The following CFAP61 variants were observed in gnomAD, a reference collection of about 807,000 sequenced individuals.
CFAP61 encodes the protein cilia and flagella associated protein 61, also known as cilia- and flagella-associated protein 61.
CFAP61 carries 107 observed loss-of-function variants against 135.6 expected under a neutral mutation model. The observed-to-expected ratio is 0.79, with a 90% CI of 0.67 to 0.93. The LOEUF is 0.93. Among genes scored for constraint, CFAP61 ranks in the 40% least tolerant of loss-of-function variants. CFAP61 has a pLI of 0.00. For missense variants in CFAP61, 1,507 were observed against 1,556.2 expected, an observed-to-expected ratio of 0.97 and a Z score of 0.53; for synonymous variants, 575 against 578.5, an observed-to-expected ratio of 0.99 and a Z score of 0.09.
chr20:20,186,293 G>A (rs1264795821), intron 13 of CFAP61, among the ~76,000 whole-genome samples: 1 of 152,150 alleles, frequency 6.6e-6, no homozygotes, highest in Non-Finnish European at 1.5e-5. Flanking sequence ...TTTGTATATG[G>A]TTTCTCTCAC....
At chr20:20,160,051 C>T (rs1204046493) in intron 10 of CFAP61, among the ~76,000 whole-genome samples, 1 of 152,196 alleles carries the variant, frequency 6.6e-6, no homozygotes, top group Non-Finnish European at 1.5e-5. Flanking sequence ...CTGCCAGAAG[C>T]CTGGTGGTTC....
intron 18 of CFAP61, among the ~76,000 whole-genome samples, chr20:20,232,012 G>T (rs1041194094): frequency 1.3e-5 from 2 of 152,168 alleles, no homozygotes; most frequent in East Asian, 3.8e-4. Context: ...TTCCTTCTCG[G>T]TGCTTCCATT....
At chr20:20,202,693 A>C (rs554046738) in intron 17 of CFAP61, among the ~76,000 whole-genome samples, 1 of 152,272 alleles carries the variant, frequency 6.6e-6, no homozygotes, top group East Asian at 1.9e-4. Flanking sequence ...CAAACTGTGC[A>C]AGGCTGAGCA....
chr20:20,138,559 G>A (rs1272479779), intron 8 of CFAP61, among the ~76,000 whole-genome samples: 2 of 152,056 alleles, frequency 1.3e-5, no homozygotes, highest in East Asian at 1.9e-4. Flanking sequence ...TCCACGCCAC[G>A]TGGCTACTGC....
At chr20:20,212,277 A>ACT (rs1301110848) in intron 17 of CFAP61, among the ~76,000 whole-genome samples, 2 of 151,144 alleles carry the variant, frequency 1.3e-5, no homozygotes, top group Non-Finnish European at 3.0e-5. Context: ...GCTTCTCATG[A>ACT]CTCTCTCTCT....
intron 17 of CFAP61, among the ~76,000 whole-genome samples, chr20:20,208,174 G>C (rs1321353812): frequency 6.6e-6 from 1 of 152,154 alleles, no homozygotes; most frequent in Admixed American, 6.5e-5. Context: ...TGAGCGTTAA[G>C]CCAGTAGGAC....
intron 18 of CFAP61, among the ~76,000 whole-genome samples, chr20:20,233,467 C>T (rs2049320185): frequency 6.6e-6 from 1 of 152,184 alleles, no homozygotes; most frequent in African/African-American, 2.4e-5. Flanking sequence ...GCCCAAGCAG[C>T]AGGCAGCACG....
chr20:20,354,403 T>G (rs1165801303), intron 26 of CFAP61, among the ~76,000 whole-genome samples: 2 of 150,966 alleles, frequency 1.3e-5, no homozygotes, highest in Non-Finnish European at 2.9e-5. Context: ...CTCAGGAGGC[T>G]GAGGCAGGAG....
chr20:20,337,110 C>T (rs1311064010), intron 25 of CFAP61, among the ~76,000 whole-genome samples: 1 of 152,158 alleles, frequency 6.6e-6, no homozygotes. Flanking sequence ...TACGTGGAAG[C>T]ATAGGGAAGG....
chr20:20,060,683 A>G (rs760099437), intron 2 of CFAP61, among the ~76,000 whole-genome samples: 1 of 152,218 alleles, frequency 6.6e-6, no homozygotes, highest in Non-Finnish European at 1.5e-5. Context: ...ACAAAGAATC[A>G]TGGCTCGCCT....
At chr20:20,274,678 TA>T (rs941790135) in intron 21 of CFAP61, among the ~76,000 whole-genome samples, 5 of 151,248 alleles carry the variant, frequency 3.3e-5, no homozygotes, top group South Asian at 2.1e-4. Context: ...AAAATGAAAA[TA>T]AAAAAAAGGC....
chr20:20,216,292 C>T (rs192314205), intron 17 of CFAP61, among the ~76,000 whole-genome samples: 13 of 152,298 alleles, frequency 8.5e-5, no homozygotes, highest in Non-Finnish European at 2.9e-5. Context: ...AGTACGTGAC[C>T]TATCTTTACA....
At chr20:20,301,035 C>G (rs1015299768) in intron 25 of CFAP61, among the ~76,000 whole-genome samples, 3 of 152,010 alleles carry the variant, frequency 2.0e-5, no homozygotes, top group African/African-American at 7.3e-5. Flanking sequence ...GATTGAGAAA[C>G]ATGTTTTTAT....
chr20:20,145,147 A>C (rs187246334), intron 9 of CFAP61, among the ~76,000 whole-genome samples: 1 of 152,302 alleles, frequency 6.6e-6, no homozygotes, highest in African/African-American at 2.4e-5. Flanking sequence ...TTTTATCCTT[A>C]ATATTTATAT....
At chr20:20,061,964 G>T (rs1181299584) in intron 2 of CFAP61, among the ~76,000 whole-genome samples, 5 of 152,154 alleles carry the variant, frequency 3.3e-5, no homozygotes, top group Non-Finnish European at 7.3e-5. Flanking sequence ...TGAACCCTGG[G>T]TCCCTCTGGC....
intron 18 of CFAP61, among the ~76,000 whole-genome samples, chr20:20,231,802 G>A (rs965585120): frequency 1.3e-5 from 2 of 152,212 alleles, no homozygotes; most frequent in Admixed American, 1.3e-4. Flanking sequence ...TTGTACTATG[G>A]GGTAGAGGGC....
intron 17 of CFAP61, among the ~76,000 whole-genome samples, chr20:20,212,265 A>G (rs1241114284): frequency 1.3e-5 from 2 of 152,082 alleles, no homozygotes; most frequent in African/African-American, 2.4e-5. Context: ...GAGGACTCAG[A>G]TGCTTCTCAT....
chr20:20,260,338 C>T (rs1386175344), intron 20 of CFAP61, among the ~76,000 whole-genome samples: 2 of 152,210 alleles, frequency 1.3e-5, no homozygotes, highest in Non-Finnish European at 2.9e-5. Flanking sequence ...CTAGAAGCTT[C>T]CATTCAATGA....
At position 20,314,120 on chromosome 20, in the gene CFAP61, G is replaced by A. The variant is rs866016585; in HGVS notation, c.3422+15734G>A. Among the ~76,000 whole-genome samples the A allele has an allele frequency of 1.1e-4, 16 of 150,584 alleles. No individual in the cohort carries two copies. In the South Asian group the frequency reaches 1.3e-3, roughly 12 times the overall value. Reference sequence around the variant, plus strand: ...AACATGAGAGCGAGTGCAGTGGCTCGTGCCTATAATTCCAGCACTTTGGGA... The same window carrying A: ...AACATGAGAGCGAGTGCAGTGGCTCATGCCTATAATTCCAGCACTTTGGGA... On this transcript the variant is annotated intron_variant, in intron 25 of 26. Transcript: ENST00000245957.
Sources: gnomAD v4.1 joint callset for allele counts (sites outside exome capture counted in the v4.1 genomes callset) on GRCh38, gnomAD v4.1.1 for gene constraint, MANE v1.5 for transcripts, NCBI Gene and HGNC (gene_info 2026-07-23, HGNC 2026-07-21) for gene names.